Variants in HAO1 observed in about 807,000 individuals in gnomAD.
HAO1 encodes the protein hydroxyacid oxidase 1.
Under a neutral mutation model 39.7 loss-of-function variants are expected in HAO1, and 34 were observed. The ratio of observed to expected loss-of-function variants is 0.86; its 90% CI spans 0.65 to 1.14. The LOEUF is 1.14. HAO1 is among the 50% of genes most tolerant of loss of function. HAO1 has a pLI of 0.00. For missense variants in HAO1, 479 were observed against 464.5 expected (o/e 1.03, Z -0.29); for synonymous variants, 172 against 173.2 (o/e 0.99, Z 0.05).
At chr20:7,914,861 G>T (rs2050299342) in intron 2 of HAO1, among the ~76,000 whole-genome samples, 1 of 152,186 alleles carries the variant, frequency 6.6e-6, no homozygotes, top group African/African-American at 2.4e-5. Flanking sequence ...GCTCACGCCT[G>T]TAATCCCAGC....
chr20:7,916,074 G>T (rs1012170251), intron 2 of HAO1, among the ~76,000 whole-genome samples: 5 of 152,010 alleles, frequency 3.3e-5, no homozygotes, highest in Non-Finnish European at 7.4e-5. Context: ...AGCAAGAAAC[G>T]GGCAAATAAA....
At chr20:7,901,721 C>T (rs2050222197) in intron 4 of HAO1, among the ~76,000 whole-genome samples, 1 of 152,094 alleles carries the variant, frequency 6.6e-6, no homozygotes, top group African/African-American at 2.4e-5. Flanking sequence ...TATTTAATAA[C>T]ATTATAGCTG....
At chr20:7,903,863 G>GTGGTGGTGGTGGTGGTGA in intron 4 of HAO1, among the ~76,000 whole-genome samples, 1 of 127,148 alleles carries the variant, frequency 7.9e-6, no homozygotes, top group South Asian at 2.3e-4. Flanking sequence ...GGTAGCGGTG[G>GTGGTGGTGGTGGTGGTGA]TGGTGGTGGT....
Position 7,906,270 on chromosome 20 carries a change from T to C in HAO1, c.605A>G (p.Asp202Gly). Reference protein sequence around the residue: ...SFSPEENFGDDSGLAAYVAKA... With the variant: ...SFSPEENFGDGSGLAAYVAKA... ...AGCCACATATGCAGCAAGTCCACTG[T>C]CGTCTCCAAAATTTTCCTCAGGAGA... The change falls in exon 4 of 8, where the codon GAC becomes GGC. Residue 202 changes from aspartate (D) to glycine (G), a missense_variant. By Grantham distance (94) the Asp-to-Gly change is moderately conservative. Coordinates refer to ENST00000378789, the MANE Select transcript of HAO1 (RefSeq NM_017545.3). 1 of 1,612,580 alleles carries C rather than the reference T, an allele frequency of 6.2e-7. No individual in the cohort carries two copies. The highest frequency in any genetic ancestry group is 8.5e-7 in the Non-Finnish European group (1 of 1,178,664).
intron 1 of HAO1, among the ~76,000 whole-genome samples, chr20:7,936,501 G>A (rs1476652242): frequency 3.5e-5 from 1 of 28,904 alleles, no homozygotes; most frequent in Non-Finnish European, 7.5e-5. Context: ...CAGGGCAGCA[G>A]CCGTGTGTGT....
intron 5 of HAO1, among the ~76,000 whole-genome samples, chr20:7,893,275 C>T (rs549329711): frequency 6.6e-6 from 1 of 152,300 alleles, no homozygotes; most frequent in South Asian, 2.1e-4. Flanking sequence ...AACGGCCAAG[C>T]TTTCCTTGTT....
At chr20:7,893,820 C>A (rs543852276) in intron 5 of HAO1, among the ~76,000 whole-genome samples, 6 of 152,226 alleles carry the variant, frequency 3.9e-5, no homozygotes, top group Admixed American at 1.3e-4. Flanking sequence ...GCTGGCTCTG[C>A]GTGAATTAAA....
At chr20:7,903,135 A>G (rs563922492) in intron 4 of HAO1, among the ~76,000 whole-genome samples, 1 of 152,344 alleles carries the variant, frequency 6.6e-6, no homozygotes, top group Non-Finnish European at 1.5e-5. Flanking sequence ...ATCCAGATTG[A>G]GCATATGTGT....
chr20:7,895,370 G>A (rs759118182), intron 4 of HAO1, 146 bp from the exon 5 acceptor site: 1 of 575,328 alleles, frequency 1.7e-6, no homozygotes, highest in Admixed American at 2.9e-5. Flanking sequence ...ATACCCTAGG[G>A]TTAGCGCTAG....
chr20:7,914,606 T>C (rs2050297864), intron 2 of HAO1, among the ~76,000 whole-genome samples, 187 bp from the exon 3 acceptor site: 1 of 152,212 alleles, frequency 6.6e-6, no homozygotes, highest in Non-Finnish European at 1.5e-5. Flanking sequence ...CTGATACAAA[T>C]GGCTACTGGA....
chr20:7,907,968 C>G (rs1397606160), intron 3 of HAO1, among the ~76,000 whole-genome samples: 2 of 152,174 alleles, frequency 1.3e-5, no homozygotes, highest in East Asian at 1.9e-4. Flanking sequence ...ATTCCCCTGC[C>G]AGTCAATCTC....
Position 7,926,286 on chromosome 20 carries a change from T to G in HAO1, c.289+8198A>C, listed in dbSNP as rs570477890. Reference sequence around the variant, plus strand: ...TTCACAGGCCTATTGTAAGGATTAATCACAAGAACGTAAAGTCCAAGCATT... The same window carrying G: ...TTCACAGGCCTATTGTAAGGATTAAGCACAAGAACGTAAAGTCCAAGCATT... On this transcript the variant is annotated intron_variant, in intron 2 of 7. Transcript: ENST00000378789. Among the ~76,000 whole-genome samples, 20 of 152,254 alleles carry G rather than the reference T, an allele frequency of 1.3e-4. No individual in the cohort carries two copies. In the South Asian group the frequency reaches 4.1e-3, roughly 32 times the overall value.
chr20:7,896,408 G>A (rs2050197980), intron 4 of HAO1, among the ~76,000 whole-genome samples: 1 of 152,114 alleles, frequency 6.6e-6, no homozygotes, highest in East Asian at 1.9e-4. Flanking sequence ...AAGCAATGGA[G>A]ATAATGGGCA....
Position 7,914,419 on chromosome 20 carries a change from G to T in HAO1, c.290C>A (p.Ala97Asp). The T allele has an allele frequency of 6.2e-7, 1 of 1,612,706 alleles. No homozygotes were observed. The highest frequency in any genetic ancestry group is 8.5e-7 in the Non-Finnish European group (1 of 1,179,178). The change falls in exon 3 of 8, where the codon GCC becomes GAC. Residue 97 changes from alanine to aspartate, a missense_variant and splice_region_variant. Coordinates refer to ENST00000378789, the MANE Select transcript of HAO1 (RefSeq NM_017545.3). ...CATGCCCGTTCCCAGGGACTGACAG[G>T]CTGAGAAAGAAAGGGGATGATCAAG... ...HVDGELATVR[A>D]CQSLGTGMML...
chr20:7,892,692 A>G (rs1452610379), intron 5 of HAO1, among the ~76,000 whole-genome samples: 1 of 152,172 alleles, frequency 6.6e-6, no homozygotes, highest in East Asian at 1.9e-4. Context: ...AAATATTTAT[A>G]TAAGAATCCA....
At chr20:7,936,556 G>GTGTGTGTT (rs1375018593) in intron 1 of HAO1, among the ~76,000 whole-genome samples, 16 of 146,194 alleles carry the variant, frequency 1.1e-4, no homozygotes, top group Admixed American at 6.8e-4. Flanking sequence ...GTTCGCGCGC[G>GTGTGTGTT]CGCGCGCGCG....
intron 4 of HAO1, 109 bp downstream of exon 4, chr20:7,906,045 C>T: frequency 2.5e-6 from 2 of 795,170 alleles, no homozygotes; most frequent in Non-Finnish European, 4.3e-6. Flanking sequence ...GAATGTCTCT[C>T]TCAATTTCCA....
At chr20:7,897,529 T>C (rs531235087) in intron 4 of HAO1, among the ~76,000 whole-genome samples, 1 of 152,218 alleles carries the variant, frequency 6.6e-6, no homozygotes, top group South Asian at 2.1e-4. Context: ...TGCTCAGCCA[T>C]TCAGTCATTT....
At position 7,886,596 on chromosome 20, in the gene HAO1, T is replaced by G. The variant is rs551682000; in HGVS notation, c.814-732A>C. Among the ~76,000 whole-genome samples, 533 of 152,320 alleles carry G rather than the reference T, an allele frequency of 3.5e-3. 5 individuals are homozygous for G. Among genetic ancestry groups the G allele is most frequent in the Middle Eastern group, 0.031 (9 of 294 alleles). On this transcript the variant is annotated intron_variant, in intron 5 of 7. Transcript: ENST00000378789. ...CACAACTAATAATAAAACAACTTAG[T>G]CTCTTATTTTCTCATCCAAAATATT...
Sources: allele counts gnomAD v4.1 joint callset (sites outside exome capture counted in the v4.1 genomes callset), GRCh38; gene constraint gnomAD v4.1.1; transcripts MANE v1.5; gene names NCBI Gene and HGNC (gene_info 2026-07-23, HGNC 2026-07-21).